ROBO2: variants seen among roughly 807,000 people sequenced by gnomAD.
ROBO2 encodes the protein roundabout homolog 2.
ROBO2 carries 53 observed loss-of-function variants against 160.8 expected under a neutral mutation model. That is an observed-to-expected ratio of 0.33 (90% confidence interval 0.26 to 0.41). The LOEUF is 0.41. ROBO2 is among the 10% of genes least tolerant of loss of function. ROBO2 has a pLI of 1.00. For synonymous variants in ROBO2, 664 were observed against 611.7 expected, an observed-to-expected ratio of 1.09 and a Z score of -1.26; for missense variants, 1,577 against 1,722.4, an observed-to-expected ratio of 0.92 and a Z score of 1.49.
At chr3:77,619,253 A>ATAGGAAATT (rs2094848851) in intron 22 of ROBO2, among the ~76,000 whole-genome samples, 1 of 152,170 alleles carries the variant, frequency 6.6e-6, no homozygotes, top group African/African-American at 2.4e-5. Flanking sequence ...ATTAGCTCAT[A>ATAGGAAATT]TAGGAAATTA....
intron 2 of ROBO2, among the ~76,000 whole-genome samples, chr3:77,426,019 T>A (rs1213410469): frequency 6.6e-6 from 1 of 151,706 alleles, no homozygotes; most frequent in African/African-American, 2.4e-5. Context: ...AGCCAAGGAG[T>A]GCATGACCCA....
intron 2 of ROBO2, among the ~76,000 whole-genome samples, chr3:76,747,949 A>G (rs2093920395): frequency 6.6e-6 from 1 of 151,962 alleles, no homozygotes; most frequent in Non-Finnish European, 1.5e-5. Context: ...TCAGGGGAGG[A>G]ATGAAAAACA....
At chr3:76,990,440 T>C (rs2060601586) in intron 2 of ROBO2, among the ~76,000 whole-genome samples, 2 of 152,204 alleles carry the variant, frequency 1.3e-5, no homozygotes, top group African/African-American at 4.8e-5. Context: ...AAATACTAGC[T>C]CTACCTAATG....
chr3:76,957,313 CCT>C (rs1169245473), intron 2 of ROBO2, among the ~76,000 whole-genome samples: 1 of 151,914 alleles, frequency 6.6e-6, no homozygotes, highest in African/African-American at 2.4e-5. Context: ...ACTGTCATTC[CCT>C]GTTATGCCAC....
At chr3:77,342,761 CA>C (rs1205272279) in intron 2 of ROBO2, among the ~76,000 whole-genome samples, 1 of 152,130 alleles carries the variant, frequency 6.6e-6, no homozygotes, top group Non-Finnish European at 1.5e-5. Flanking sequence ...TCCCTTGTTG[CA>C]AGTACCTTTA....
chr3:77,387,384 A>AG (rs2074248025), intron 2 of ROBO2, among the ~76,000 whole-genome samples: 1 of 151,944 alleles, frequency 6.6e-6, no homozygotes, highest in Non-Finnish European at 1.5e-5. Flanking sequence ...GAAGAAAAAA[A>AG]GAACATCTAA....
chr3:77,460,959 C>A (rs1204939328), intron 2 of ROBO2, among the ~76,000 whole-genome samples: 3 of 151,968 alleles, frequency 2.0e-5, no homozygotes, highest in Non-Finnish European at 2.9e-5. Flanking sequence ...GTATGGAAGT[C>A]TTATTCGACC....
chr3:76,387,771 A>G (rs1267087642), intron 2 of ROBO2, among the ~76,000 whole-genome samples: 1 of 152,210 alleles, frequency 6.6e-6, no homozygotes, highest in Non-Finnish European at 1.5e-5. Context: ...TGTGCTGTGG[A>G]TGAGCAAAGG....
intron 2 of ROBO2, among the ~76,000 whole-genome samples, chr3:76,912,270 A>G (rs2076037909): frequency 6.6e-6 from 1 of 152,216 alleles, no homozygotes; most frequent in Admixed American, 6.5e-5. Context: ...GTCAAATCAC[A>G]AGTGAAAATT....
chr3:76,983,649 A>G (rs994394753), intron 2 of ROBO2, among the ~76,000 whole-genome samples: 1 of 152,184 alleles, frequency 6.6e-6, no homozygotes, highest in Admixed American at 6.5e-5. Context: ...ATCAGTTCTT[A>G]TTTCAAGATT....
intron 2 of ROBO2, among the ~76,000 whole-genome samples, chr3:76,328,846 G>A (rs1236457096): frequency 6.6e-6 from 1 of 151,002 alleles, no homozygotes. Context: ...GCGACAGAGC[G>A]AGACTCCGTC....
intron 2 of ROBO2, among the ~76,000 whole-genome samples, chr3:76,363,361 C>T (rs1013379319): frequency 1.3e-5 from 2 of 151,988 alleles, no homozygotes; most frequent in Non-Finnish European, 2.9e-5. Context: ...ATGAATTGGC[C>T]TCATATATCA....
chr3:77,350,269 T>C (rs1411216345), intron 2 of ROBO2, among the ~76,000 whole-genome samples: 1 of 151,866 alleles, frequency 6.6e-6, no homozygotes, highest in Non-Finnish European at 1.5e-5. Flanking sequence ...GGTGGGAGGA[T>C]TGCTTGAGCC....
chr3:76,940,773 A>G (rs1473632536), intron 2 of ROBO2, among the ~76,000 whole-genome samples: 1 of 152,198 alleles, frequency 6.6e-6, no homozygotes, highest in Admixed American at 6.5e-5. Context: ...CATTTATCAA[A>G]ACATCCCATT....
intron 2 of ROBO2, among the ~76,000 whole-genome samples, chr3:76,808,467 T>C (rs1228146609): frequency 2.0e-5 from 3 of 152,124 alleles, no homozygotes; most frequent in East Asian, 3.9e-4. Context: ...TAAACATAAA[T>C]ATTTTTGTCT....
intron 2 of ROBO2, among the ~76,000 whole-genome samples, chr3:77,182,350 C>A (rs566232024): frequency 6.6e-6 from 1 of 152,030 alleles, no homozygotes; most frequent in Non-Finnish European, 1.5e-5. Flanking sequence ...ACACAAGTTC[C>A]TTTCTTAAAG....
At chr3:76,943,545 C>A (rs765871843) in intron 2 of ROBO2, among the ~76,000 whole-genome samples, 26 of 152,096 alleles carry the variant, frequency 1.7e-4, no homozygotes, top group Non-Finnish European at 3.4e-4. Context: ...ACGATTGCTT[C>A]TTTGTAAATG....
intron 2 of ROBO2, among the ~76,000 whole-genome samples, chr3:76,258,401 T>C (rs564037567): frequency 2.0e-4 from 30 of 152,138 alleles, no homozygotes; most frequent in African/African-American, 5.5e-4. Flanking sequence ...AGCAAAGCAA[T>C]CTTACATTCT....
chr3:77,289,126 G>C (rs2060847639), intron 2 of ROBO2, among the ~76,000 whole-genome samples: 1 of 152,136 alleles, frequency 6.6e-6, no homozygotes, highest in Non-Finnish European at 1.5e-5. Flanking sequence ...AGTGGGTGAA[G>C]TTGGTTGAAG....
Sources: allele counts gnomAD v4.1 joint callset (sites outside exome capture counted in the v4.1 genomes callset), GRCh38; gene constraint gnomAD v4.1.1; transcripts MANE v1.5; gene names NCBI Gene and HGNC (gene_info 2026-07-23, HGNC 2026-07-21).